Variants in TBCD observed in about 807,000 individuals in gnomAD.
TBCD encodes tubulin folding cofactor D.
A neutral mutation model predicts 169.3 loss-of-function variants in TBCD; 105 were observed. That is an observed-to-expected ratio of 0.62 (90% confidence interval 0.53 to 0.73). The LOEUF (loss-of-function observed/expected upper bound fraction) is 0.73, where lower values mean the gene tolerates loss of function less well. TBCD is among the 30% of genes least tolerant of loss of function. The probability of loss-of-function intolerance (pLI) is 0.00; values close to 1 mark genes in which losing one functional copy is unlikely to be tolerated. For missense variants in TBCD, 1,444 were observed against 1,600.1 expected, an observed-to-expected ratio of 0.90 and a Z score of 1.66; for synonymous variants, 700 against 643.9, an observed-to-expected ratio of 1.09 and a Z score of -1.32.
At chr17:82,787,148 G>A (rs1222367782) in intron 7 of TBCD, among the ~76,000 whole-genome samples, 1 of 152,150 alleles carries the variant, frequency 6.6e-6, no homozygotes, top group Non-Finnish European at 1.5e-5. Context: ...TAGGAGAGCC[G>A]AGCCCTGTGC....
chr17:82,848,531 A>G (rs1184373117), intron 13 of TBCD, among the ~76,000 whole-genome samples: 1 of 152,176 alleles, frequency 6.6e-6, no homozygotes, highest in Non-Finnish European at 1.5e-5. Flanking sequence ...CAGACTTGTT[A>G]GTTTTCCAGA....
intron 9 of TBCD, among the ~76,000 whole-genome samples, chr17:82,803,355 G>A (rs1383405620): frequency 6.6e-6 from 1 of 152,204 alleles, no homozygotes; most frequent in African/African-American, 2.4e-5. Context: ...GCCCTCTGAG[G>A]GTTGCACAGT....
chr17:82,793,538 C>T (rs532164931), intron 7 of TBCD, among the ~76,000 whole-genome samples: 3 of 152,282 alleles, frequency 2.0e-5, no homozygotes, highest in South Asian at 2.1e-4. Context: ...AGGGGAGCCT[C>T]GAGCGTACCA....
At chr17:82,899,663 G>A (rs1167355681) in intron 17 of TBCD, among the ~76,000 whole-genome samples, 2 of 152,226 alleles carry the variant, frequency 1.3e-5, no homozygotes, top group African/African-American at 4.8e-5. Context: ...CAGATAAAGA[G>A]TTAGAATTTT....
intron 14 of TBCD, among the ~76,000 whole-genome samples, chr17:82,871,578 A>G (rs1038536257): frequency 6.6e-6 from 1 of 152,218 alleles, no homozygotes; most frequent in Non-Finnish European, 1.5e-5. Context: ...TCCCCTGCTC[A>G]CTACAAGACG....
Position 82,838,952 on chromosome 17 carries a change from T to C in TBCD, c.1318+24018T>C, listed in dbSNP as rs553903955. 6 of 985,446 alleles carry C rather than the reference T, an allele frequency of 6.1e-6. No individual in the cohort carries two copies. The African/African-American group carries it at 7.0e-5, about 11-fold the overall frequency. 61.0% of individuals were successfully genotyped at this position (985,446 alleles called of 1,614,324 possible). ...ATTAGGGGCACAGATGTGGACGGAC[T>C]GTGCTTGGTCAGTAATTGTTCTCCT... On this transcript the variant is annotated intron_variant, in intron 13 of 38. Coordinates refer to ENST00000355528, the MANE Select transcript of TBCD (RefSeq NM_005993.5).
chr17:82,936,125 C>T (rs1007742247), intron 34 of TBCD, among the ~76,000 whole-genome samples: 1 of 152,224 alleles, frequency 6.6e-6, no homozygotes, highest in Non-Finnish European at 1.5e-5. Flanking sequence ...CCTGGTTTTT[C>T]TGTCATTATC....
At chr17:82,753,950 C>A (rs1015241297) in intron 1 of TBCD, among the ~76,000 whole-genome samples, 1 of 146,004 alleles carries the variant, frequency 6.8e-6, no homozygotes, top group Non-Finnish European at 1.5e-5. Flanking sequence ...TCACTGCAAC[C>A]TCCACAACCT....
intron 35 of TBCD, chr17:82,937,708 C>A: frequency 1.5e-6 from 1 of 681,856 alleles, no homozygotes; most frequent in South Asian, 2.0e-5. Context: ...CTCTGCGGCG[C>A]TCAGGTGGAC....
At position 82,814,825 on chromosome 17, in the gene TBCD, C is replaced by G. The variant is rs2051735016; in HGVS notation, c.1224-15C>G. On this transcript the variant is annotated splice_polypyrimidine_tract_variant and intron_variant, in intron 12 of 38. Transcript: ENST00000355528. Reference sequence around the variant, plus strand: ...GACACGTGGGCTGTGGTCTCAGGATCTTTGTTGCTCTCAGTTTCCAGGAGA... The same window carrying G: ...GACACGTGGGCTGTGGTCTCAGGATGTTTGTTGCTCTCAGTTTCCAGGAGA... 1.2e-6 allele frequency: 2 copies of G among 1,613,550 alleles called. No individual in the cohort carries two copies. Among genetic ancestry groups the G allele is most frequent in the Non-Finnish European group, 1.7e-6 (2 of 1,179,724 alleles).
intron 35 of TBCD, 173 bp from the exon 36 acceptor site, chr17:82,937,876 A>G: frequency 6.6e-7 from 1 of 1,516,780 alleles, no homozygotes; most frequent in Non-Finnish European, 8.8e-7. Flanking sequence ...TCGTGTGTGT[A>G]GGCACAGTGC....
At chr17:82,891,737 T>G (rs1599280700) in intron 16 of TBCD, among the ~76,000 whole-genome samples, 15 of 135,394 alleles carry the variant, frequency 1.1e-4, no homozygotes, top group East Asian at 2.1e-4. Flanking sequence ...GGATGGGGGG[T>G]GGTTGGGGAG....
At chr17:82,855,253 TTTTTTTTTTTTTTTTTTTAA>T (rs2056166886) in intron 13 of TBCD, among the ~76,000 whole-genome samples, 4 of 129,204 alleles carry the variant, frequency 3.1e-5, no homozygotes, top group African/African-American at 1.4e-4. Flanking sequence ...TTTTTTTTTT[TTTTTTTTTTTTTTTTTTTAA>T]TTTTTTAGAG....
At position 82,814,834 on chromosome 17, in the gene TBCD, T is replaced by C; in HGVS notation, c.1224-6T>C. The C allele has an allele frequency of 6.2e-7, 1 of 1,613,858 alleles. No homozygotes were observed. The highest frequency in any genetic ancestry group is 8.5e-7 in the Non-Finnish European group (1 of 1,179,834). On this transcript the variant is annotated splice_region_variant and splice_polypyrimidine_tract_variant and intron_variant, in intron 12 of 38. Transcript: ENST00000355528. ...GCTGTGGTCTCAGGATCTTTGTTGCTCTCAGTTTCCAGGAGACTGACAAGG... is the reference window on the plus strand; with the variant it reads ...GCTGTGGTCTCAGGATCTTTGTTGCCCTCAGTTTCCAGGAGACTGACAAGG...
chr17:82,846,640 G>C (rs535233447), intron 13 of TBCD, among the ~76,000 whole-genome samples: 1 of 152,312 alleles, frequency 6.6e-6, no homozygotes, highest in East Asian at 1.9e-4. Flanking sequence ...CCCTGCCTTC[G>C]GGTTGTCTGG....
At chr17:82,912,437 G>T (rs1263606189) in intron 23 of TBCD, among the ~76,000 whole-genome samples, 1 of 152,242 alleles carries the variant, frequency 6.6e-6, no homozygotes, top group East Asian at 1.9e-4. Context: ...TAAAGGAAAA[G>T]CCTGATTTCA....
chr17:82,780,948 T>G (rs978712845), intron 6 of TBCD, among the ~76,000 whole-genome samples: 1 of 151,696 alleles, frequency 6.6e-6, no homozygotes, highest in Admixed American at 6.6e-5. Context: ...CCCGGCCAGA[T>G]TTGGGCTTTT....
chr17:82,829,138 C>T (rs2053243079), intron 13 of TBCD, among the ~76,000 whole-genome samples: 2 of 151,668 alleles, frequency 1.3e-5, no homozygotes, highest in Non-Finnish European at 2.9e-5. Context: ...CACACCCACA[C>T]AATAGAATGT....
intron 2 of TBCD, among the ~76,000 whole-genome samples, chr17:82,759,418 C>T (rs188064452): frequency 5.3e-5 from 8 of 152,038 alleles, no homozygotes; most frequent in South Asian, 2.1e-4. Flanking sequence ...ACCCAGGACG[C>T]GGAGGTAGCA....
Sources: allele counts gnomAD v4.1 joint callset (sites outside exome capture counted in the v4.1 genomes callset), GRCh38; gene constraint gnomAD v4.1.1; transcripts MANE v1.5; gene names NCBI Gene and HGNC (gene_info 2026-07-23, HGNC 2026-07-21).